PRR12: variants seen among roughly 807,000 people sequenced by gnomAD.
PRR12 encodes the protein proline-rich protein 12.
PRR12 carries 12 observed loss-of-function variants against 138.0 expected under a neutral mutation model. That is an observed-to-expected ratio of 0.09 (90% CI 0.06 to 0.14). The LOEUF is 0.14. Ranked by LOEUF, PRR12 falls within the 10% of genes least tolerant of loss-of-function variation. The pLI, the probability that PRR12 is intolerant of heterozygous loss-of-function variation, is 1.00. For missense variants in PRR12, 2,692 were observed against 2,861.3 expected, an observed-to-expected ratio of 0.94 and a Z score of 1.35; for synonymous variants, 1,567 against 1,291.7, an observed-to-expected ratio of 1.21 and a Z score of -4.57.
Position 49,597,988 on chromosome 19 carries a change from G to T in PRR12, c.3653G>T (p.Arg1218Leu). ...GRKAEEAGGT[R>L]LEPLKPLKIK... ...AAGGCTGAGGAGGCAGGGGGCACCC[G>T]GTTGGAGCCCCTGAAGCCACTTAAG... Residue 1218 changes from arginine (R) to leucine (L), a missense_variant, in exon 4 of 14, where the codon CGG becomes CTG. Coordinates refer to ENST00000418929, the MANE Select transcript of PRR12 (RefSeq NM_020719.3). The surrounding 1 kb of genome is among the most constrained non-coding windows in gnomAD (Gnocchi z 6.3). The T allele has an allele frequency of 7.2e-7, 1 of 1,388,888 alleles. No individual in the cohort carries two copies. Among genetic ancestry groups the T allele is most frequent in the Non-Finnish European group, 9.3e-7 (1 of 1,074,178 alleles). The allele number at this position is 1,388,888 out of a possible 1,614,324, so 86.0% of individuals were successfully genotyped here.
At chr19:49,620,825 C>T in intron 10 of PRR12, among the ~76,000 whole-genome samples, 2 of 122,358 alleles carry the variant, frequency 1.6e-5, no homozygotes, top group Non-Finnish European at 3.4e-5. Flanking sequence ...GCCTGGACTC[C>T]TGGGTTTGAG....
Position 49,596,444 on chromosome 19 carries a change from C to T in PRR12, c.2109C>T (p.Val703=), listed in dbSNP as rs765988941. 109 of 1,611,016 alleles carry T rather than the reference C, an allele frequency of 6.8e-5. No homozygotes were observed. Among genetic ancestry groups the T allele is most frequent in the Non-Finnish European group, 8.8e-5 (104 of 1,179,506 alleles). Residue 703 remains valine (V), a synonymous_variant, in exon 4 of 14, where the codon GTC becomes GTT. Transcript: ENST00000418929. The surrounding 1 kb of genome is among the most constrained non-coding windows in gnomAD (Gnocchi z 5.6). ...EDPQRYHLQS[V]IRTSASLDEG... Reference sequence around the variant, plus strand: ...CCCAGAGGTACCACCTGCAGAGTGTCATCCGCACCAGTGCCAGCCTGGATG... The same window carrying T: ...CCCAGAGGTACCACCTGCAGAGTGTTATCCGCACCAGTGCCAGCCTGGATG...
intron 2 of PRR12, 78 bp downstream of exon 2, chr19:49,593,517 C>T (rs1437195821): frequency 8.7e-6 from 6 of 693,242 alleles, no homozygotes; most frequent in Admixed American, 5.0e-5. Flanking sequence ...TTGAAAGTTC[C>T]GCCCCTCCTA....
At chr19:49,604,221 G>C (rs1466486598) in intron 6 of PRR12, among the ~76,000 whole-genome samples, 2 of 152,034 alleles carry the variant, frequency 1.3e-5, no homozygotes, top group African/African-American at 2.4e-5. Context: ...TAATAGAGCA[G>C]GCCGGGAGTG....
rs767142834 is a variant in PRR12 at position 49,594,683 on chromosome 19, T to C, written c.362-14T>C. ...TCGCTGTTCTCTCTGACGCGCGGTCTTCCTCATCTCCAGCCATGCACACGC... is the reference window on the plus strand; with the variant it reads ...TCGCTGTTCTCTCTGACGCGCGGTCCTCCTCATCTCCAGCCATGCACACGC... On this transcript the variant is annotated splice_polypyrimidine_tract_variant and intron_variant, in intron 3 of 13. Transcript: ENST00000418929. The surrounding 1 kb of genome is among the most constrained non-coding windows in gnomAD (Gnocchi z 5.6). 3 of 1,611,392 alleles carry C rather than the reference T, an allele frequency of 1.9e-6. No individual in the cohort carries two copies. The highest frequency in any genetic ancestry group is 1.3e-5 in the African/African-American group (1 of 74,832).
At position 49,597,211 on chromosome 19, in the gene PRR12, C is replaced by T. The variant is rs371098369; in HGVS notation, c.2876C>T (p.Ala959Val). 1.5e-5 allele frequency: 23 copies of T among 1,565,574 alleles called. No homozygotes were observed. Among genetic ancestry groups the T allele is most frequent in the Non-Finnish European group, 1.9e-5 (22 of 1,155,340 alleles). The change falls in exon 4 of 14, where the codon GCG (alanine) becomes GTG (valine). Residue 959 changes from alanine (A) to valine (V), a missense_variant. Physicochemically the swap from Ala to Val is moderately conservative, Grantham distance 64 (BLOSUM62 0). Transcript: ENST00000418929. This position sits in a 1 kb window ranked among gnomAD's most constrained non-coding sequence, Gnocchi z 6.3. Reference sequence around the variant, plus strand: ...GAGGAGATGTTCGGTGGAGGGGCCGCGGACGACTACGGCAAGGCCGGGCCA... The same window carrying T: ...GAGGAGATGTTCGGTGGAGGGGCCGTGGACGACTACGGCAAGGCCGGGCCA... ...TMEEMFGGGAADDYGKAGPPE... is the reference protein window; with the variant it reads ...TMEEMFGGGAVDDYGKAGPPE...
In PRR12 at chr19:49,599,318, C is replaced by T. The variant is rs763576366; in HGVS notation, c.3725C>T (p.Ser1242Leu). 11 of 1,612,552 alleles carry T rather than the reference C, an allele frequency of 6.8e-6. No individual in the cohort carries two copies. Among genetic ancestry groups the T allele is most frequent in the Admixed American group, 1.7e-5 (1 of 59,944 alleles). ...PKAGEGLGTS[S>L]GDAISGTDHN... is the part of the protein sequence containing the mutation. ...GCTGGCGAGGGTCTGGGAACCTCAT[C>T]GGGTGATGCCATATCAGGCACTGAC... The change falls in exon 5 of 14, where the codon TCG (serine) becomes TTG (leucine). Residue 1242 changes from serine to leucine, a missense_variant. Physicochemically the swap from Ser to Leu is moderately radical, Grantham distance 145. Coordinates refer to ENST00000418929, the MANE Select transcript of PRR12 (RefSeq NM_020719.3). This position sits in a 1 kb window ranked among gnomAD's most constrained non-coding sequence, Gnocchi z 5.0.
chr19:49,605,478 T>C (rs1483142660), intron 6 of PRR12, among the ~76,000 whole-genome samples: 1 of 152,094 alleles, frequency 6.6e-6, no homozygotes, highest in Non-Finnish European at 1.5e-5. Context: ...GCCAGGCTGC[T>C]CTCGAACTCC....
rs1469027204 is a variant in PRR12, at chr19:49,599,582, C to G, written c.3989C>G (p.Pro1330Arg). 3 of 1,595,904 alleles carry G rather than the reference C, an allele frequency of 1.9e-6. No individual in the cohort carries two copies. The highest frequency in any genetic ancestry group is 2.6e-6 in the Non-Finnish European group (3 of 1,171,074). The change falls in exon 5 of 14, where the codon CCT (proline) becomes CGT (arginine). Residue 1330 changes from proline to arginine, a missense_variant. Transcript: ENST00000418929. The surrounding 1 kb of genome is among the most constrained non-coding windows in gnomAD (Gnocchi z 5.0). ...CTGCAGCCCCAGCCCCCTGCCACCC[C>G]TGCTGTGCCACATCCCCCACCTTCC... is the stretch of plus-strand genomic sequence containing the variant. ...RGLQPQPPAT[P>R]AVPHPPPSGA...
Position 49,615,019 on chromosome 19 carries a change from A to G in PRR12, c.5024+10A>G, listed in dbSNP as rs372632686. 6 of 1,613,422 alleles carry G rather than the reference A, an allele frequency of 3.7e-6. No individual in the cohort carries two copies. Among genetic ancestry groups the G allele is most frequent in the Middle Eastern group, 1.7e-4 (1 of 5,986 alleles). On this transcript the variant is annotated intron_variant, in intron 8 of 13. Transcript: ENST00000418929. ...CCCCAGTGCCAGTCAGGTACCAACCATGGGGGACACAGGGGCAGGTAGTAT... is the reference window on the plus strand; with the variant it reads ...CCCCAGTGCCAGTCAGGTACCAACCGTGGGGGACACAGGGGCAGGTAGTAT...
At chr19:49,615,106 GGACAGAGAGAGGA>G in intron 8 of PRR12, 97 bp downstream of exon 8, 2 of 1,532,400 alleles carry the variant, frequency 1.3e-6, no homozygotes, top group South Asian at 2.3e-5. Context: ...TGGGGGGTGG[GGACAGAGAGAGGA>G]GACAGAGCCC....
rs763911030 is a variant in PRR12 at position 49,599,814 on chromosome 19, C to T, written c.4221C>T (p.Asp1407=). The change falls in exon 5 of 14, where the codon GAC becomes GAT. Residue 1407 remains aspartate, a synonymous_variant. Coordinates refer to ENST00000418929, the MANE Select transcript of PRR12 (RefSeq NM_020719.3). This position sits in a 1 kb window ranked among gnomAD's most constrained non-coding sequence, Gnocchi z 5.0. The stretch of plus-strand genomic sequence containing the variant: ...CCTCCGCCATCTCTGCCCTCGATGA[C>T]CCACCCCTTGCTGGGCCAAAAGACA... The part of the protein sequence containing the change: ...SISSAISALD[D]PPLAGPKDTS... 6.2e-7 allele frequency: 1 copy of T among 1,613,560 alleles called. No individual in the cohort carries two copies. Among genetic ancestry groups the T allele is most frequent in the South Asian group, 1.1e-5 (1 of 91,082 alleles).
intron 6 of PRR12, among the ~76,000 whole-genome samples, chr19:49,610,959 C>T (rs2080863007): frequency 6.6e-6 from 1 of 151,898 alleles, no homozygotes; most frequent in African/African-American, 2.4e-5. Flanking sequence ...ATTGTCCCCT[C>T]AGCCTCCCGA....
At chr19:49,612,976 A>G (rs972957395) in intron 6 of PRR12, among the ~76,000 whole-genome samples, 10 of 151,908 alleles carry the variant, frequency 6.6e-5, no homozygotes, top group African/African-American at 2.2e-4. Context: ...CCCCTTTTAA[A>G]GACATGTTCC....
Position 49,595,416 on chromosome 19 carries a change from C to G in PRR12, c.1081C>G (p.Arg361Gly). The G allele has an allele frequency of 5.2e-6, 8 of 1,537,456 alleles. No individual in the cohort carries two copies. The highest frequency in any genetic ancestry group is 7.0e-6 in the Non-Finnish European group (8 of 1,139,248). The change falls in exon 4 of 14, where the codon CGG becomes GGG. Residue 361 changes from arginine to glycine, a missense_variant. Coordinates refer to ENST00000418929, the MANE Select transcript of PRR12 (RefSeq NM_020719.3). ...PSGATAGASG[R>G]ATGPEAAGGG... ...CGGAGCCACGGCTGGGGCATCTGGCCGGGCCACGGGCCCTGAGGCAGCAGG... is the reference window on the plus strand; with the variant it reads ...CGGAGCCACGGCTGGGGCATCTGGCGGGGCCACGGGCCCTGAGGCAGCAGG...
chr19:49,624,721 C>T, intron 11 of PRR12, 123 bp from the exon 12 acceptor site: 12 of 1,390,442 alleles, frequency 8.6e-6, no homozygotes, highest in Non-Finnish European at 1.1e-5. Context: ...TTTGAGGAGA[C>T]TCTAGTTGTC....
intron 9 of PRR12, among the ~76,000 whole-genome samples, chr19:49,617,985 C>T (rs541870510): frequency 6.5e-4 from 99 of 152,132 alleles, no homozygotes; most frequent in African/African-American, 2.2e-3. Flanking sequence ...ATAATCACAG[C>T]GACTCGGGAG....
chr19:49,596,603 G>A lies in PRR12; in HGVS notation c.2268G>A (p.Leu756=). 1 of 1,594,008 alleles carries A rather than the reference G, an allele frequency of 6.3e-7. No homozygotes were observed. The highest frequency in any genetic ancestry group is 1.3e-5 in the African/African-American group (1 of 74,298). Residue 756 remains leucine, a synonymous_variant, in exon 4 of 14, where the codon CTG becomes CTA. Coordinates refer to ENST00000418929, the MANE Select transcript of PRR12 (RefSeq NM_020719.3). The surrounding 1 kb of genome is among the most constrained non-coding windows in gnomAD (Gnocchi z 5.6). ...VVHYGAGAKE[L]GAFLQKSPPP... ...ACTACGGGGCAGGCGCCAAGGAGCT[G>A]GGGGCCTTCTTGCAAAAGAGCCCTC...
At chr19:49,615,087 G>A in intron 8 of PRR12, 78 bp downstream of exon 8, 4 of 1,579,790 alleles carry the variant, frequency 2.5e-6, no homozygotes, top group Admixed American at 3.4e-5. Flanking sequence ...AAGAGAGAAG[G>A]CTGGAGAGTG....
Sources: allele counts gnomAD v4.1 joint callset (sites outside exome capture counted in the v4.1 genomes callset), GRCh38; gene constraint gnomAD v4.1.1; non-coding constraint Gnocchi (gnomAD v3.1); transcripts MANE v1.5; gene names NCBI Gene and HGNC (gene_info 2026-07-23, HGNC 2026-07-21).